The following NUP210 variants were observed in gnomAD, a reference collection of about 807,000 sequenced individuals.
NUP210 encodes the protein nuclear pore membrane glycoprotein 210.
NUP210 carries 151 observed loss-of-function variants against 196.0 expected under a neutral mutation model. The ratio of observed to expected loss-of-function variants is 0.77; its 90% CI spans 0.67 to 0.88. The LOEUF is 0.88. Ranked by LOEUF, NUP210 falls within the 40% of genes least tolerant of loss-of-function variation. The pLI is 0.00. For missense variants in NUP210, 2,314 were observed against 2,493.7 expected (o/e 0.93, Z 1.53); for synonymous variants, 1,070 against 1,052.7 (o/e 1.02, Z -0.32).
At position 13,371,884 on chromosome 3, in the gene NUP210, A is replaced by T; in HGVS notation, c.1736T>A (p.Phe579Tyr). The change falls in exon 13 of 40, where the codon TTT (phenylalanine) becomes TAT (tyrosine). Residue 579 changes from phenylalanine to tyrosine, a missense_variant. By Grantham distance (22) the Phe-to-Tyr change is conservative (BLOSUM62 3). Coordinates refer to ENST00000254508, the MANE Select transcript of NUP210 (RefSeq NM_024923.4). ...GTTCTCCACCTCGACAGCCAAGTCA[A>T]AGTGGGAGCAGTCGCTCAAGGTGAC... is the stretch of plus-strand genomic sequence containing the variant. ...EVVTLSDCSHFDLAVEVENQG... is the reference protein window; with the variant it reads ...EVVTLSDCSHYDLAVEVENQG... The T allele has an allele frequency of 1.2e-6, 2 of 1,610,878 alleles. No individual in the cohort carries two copies. The highest frequency in any genetic ancestry group is 8.5e-7 in the Non-Finnish European group (1 of 1,178,940).
In NUP210 at chr3:13,366,105, A is replaced by G. The variant is rs373829815; in HGVS notation, c.1787-14T>C. Reference sequence around the variant, plus strand: ...GCGGCAGCCTCCCTACAGAAAGGAGAGAACTAGATGGTCACCCTGAAATCA... The same window carrying G: ...GCGGCAGCCTCCCTACAGAAAGGAGGGAACTAGATGGTCACCCTGAAATCA... On this transcript the variant is annotated splice_polypyrimidine_tract_variant and intron_variant, in intron 13 of 39. Transcript: ENST00000254508. The G allele has an allele frequency of 1.6e-5, 26 of 1,607,288 alleles. No individual in the cohort carries two copies. In the African/African-American group the frequency reaches 2.7e-4, roughly 17 times the overall value.
chr3:13,364,762 T>C (rs575296511), intron 14 of NUP210, among the ~76,000 whole-genome samples: 12 of 151,962 alleles, frequency 7.9e-5, no homozygotes, highest in Non-Finnish European at 1.8e-4. Context: ...TGGAAGGCAA[T>C]GGTTGCGGTG....
At chr3:13,336,127 A>G (rs1043989477) in intron 27 of NUP210, among the ~76,000 whole-genome samples, 3 of 152,236 alleles carry the variant, frequency 2.0e-5, no homozygotes, top group Non-Finnish European at 4.4e-5. Flanking sequence ...AGCTTCAGGC[A>G]GCCTTTAGGA....
chr3:13,390,941 G>C (rs1699469055), intron 4 of NUP210, among the ~76,000 whole-genome samples: 1 of 152,216 alleles, frequency 6.6e-6, no homozygotes, highest in Non-Finnish European at 1.5e-5. Context: ...AGACAGCCAT[G>C]CATGTCTCAT....
Position 13,340,047 on chromosome 3 carries a change from A to G in NUP210, c.3292-14T>C. Reference sequence around the variant, plus strand: ...CTCGGAGGTGACCTGAGCGGGGAGGAAACAGCGGCGTGTCAGTGCCCGTCA... The same window carrying G: ...CTCGGAGGTGACCTGAGCGGGGAGGGAACAGCGGCGTGTCAGTGCCCGTCA... On this transcript the variant is annotated splice_polypyrimidine_tract_variant and intron_variant, in intron 24 of 39. Coordinates refer to ENST00000254508, the MANE Select transcript of NUP210 (RefSeq NM_024923.4). The surrounding 1 kb of genome is among the most constrained non-coding windows in gnomAD (Gnocchi z 4.0). 1.2e-6 allele frequency: 2 copies of G among 1,611,354 alleles called. No homozygotes were observed. Among genetic ancestry groups the G allele is most frequent in the Non-Finnish European group, 1.7e-6 (2 of 1,178,210 alleles).
chr3:13,340,195 T>C lies in NUP210; in HGVS notation c.3291+41A>G. The C allele has an allele frequency of 6.2e-7, 1 of 1,612,056 alleles. No homozygotes were observed. Among genetic ancestry groups the C allele is most frequent in the Non-Finnish European group, 8.5e-7 (1 of 1,178,866 alleles). Reference sequence around the variant, plus strand: ...GCGTGCCTGGAACCAGGTGGTGGCCTGCACTGGGGCTGGAGCAGGACGTGG... The same window carrying C: ...GCGTGCCTGGAACCAGGTGGTGGCCCGCACTGGGGCTGGAGCAGGACGTGG... On this transcript the variant is annotated intron_variant, in intron 24 of 39. Coordinates refer to ENST00000254508, the MANE Select transcript of NUP210 (RefSeq NM_024923.4). The surrounding 1 kb of genome is among the most constrained non-coding windows in gnomAD (Gnocchi z 4.0).
rs749052357 is a variant in NUP210 at position 13,330,503 on chromosome 3, T to C, written c.4067A>G (p.Gln1356Arg). 1 of 1,614,130 alleles carries C rather than the reference T, an allele frequency of 6.2e-7. No homozygotes were observed. The highest frequency in any genetic ancestry group is 8.5e-7 in the Non-Finnish European group (1 of 1,180,042). ...GGTTTGGTTGGCCCCAAAGGGCTCTTGTGCAATCACTTCGATGGTGGATGT... is the reference window on the plus strand; with the variant it reads ...GGTTTGGTTGGCCCCAAAGGGCTCTCGTGCAATCACTTCGATGGTGGATGT... ...IGTSTIEVIA[Q>R]EPFGANQTII... Residue 1356 changes from glutamine to arginine, a missense_variant, in exon 30 of 40, where the codon CAA becomes CGA. By Grantham distance (43) the Gln-to-Arg change is conservative. Coordinates refer to ENST00000254508, the MANE Select transcript of NUP210 (RefSeq NM_024923.4).
At chr3:13,363,962 C>T (rs577186899) in intron 14 of NUP210, among the ~76,000 whole-genome samples, 14 of 152,264 alleles carry the variant, frequency 9.2e-5, no homozygotes, top group African/African-American at 2.4e-4. Context: ...CCAGAAGGTG[C>T]GCAGGGCAAC....
chr3:13,357,582 C>T (rs560286399), intron 16 of NUP210, among the ~76,000 whole-genome samples: 1 of 152,150 alleles, frequency 6.6e-6, no homozygotes. Context: ...GGGGCTGATG[C>T]TGGCCAGAGG....
chr3:13,413,725 G>C (rs1700253208), intron 1 of NUP210, among the ~76,000 whole-genome samples: 1 of 152,190 alleles, frequency 6.6e-6, no homozygotes, highest in Non-Finnish European at 1.5e-5. Flanking sequence ...TGGGTACAGA[G>C]TGTCCATTTG....
intron 1 of NUP210, among the ~76,000 whole-genome samples, chr3:13,419,009 G>A (rs902513245): frequency 7.1e-6 from 1 of 141,126 alleles, no homozygotes; most frequent in African/African-American, 2.6e-5. Context: ...GCAAGCAACA[G>A]AGAAAGCTGG....
At chr3:13,352,266 G>A in intron 18 of NUP210, 82 bp from the exon 19 acceptor site, 1 of 1,048,992 alleles carries the variant, frequency 9.5e-7, no homozygotes, top group Non-Finnish European at 1.4e-6. Context: ...AAAAGCCCTA[G>A]GGCCTGGCCT....
intron 1 of NUP210, among the ~76,000 whole-genome samples, chr3:13,417,582 C>T (rs970361707): frequency 2.0e-5 from 3 of 152,214 alleles, no homozygotes; most frequent in Admixed American, 6.5e-5. Flanking sequence ...AGAGCAGATT[C>T]TTCAAAACTG....
At chr3:13,411,055 T>A (rs1353197991) in intron 1 of NUP210, among the ~76,000 whole-genome samples, 2 of 151,374 alleles carry the variant, frequency 1.3e-5, no homozygotes, top group South Asian at 2.1e-4. Flanking sequence ...CTCTAAAAAA[T>A]AATAATAATA....
chr3:13,397,884 T>C (rs947781130), intron 2 of NUP210, among the ~76,000 whole-genome samples: 18 of 152,212 alleles, frequency 1.2e-4, no homozygotes, highest in Non-Finnish European at 2.1e-4. Context: ...TGGTTTTTGG[T>C]TTTCACATAT....
chr3:13,339,622 G>T (rs1000377075), intron 25 of NUP210, among the ~76,000 whole-genome samples: 5 of 152,232 alleles, frequency 3.3e-5, no homozygotes, highest in African/African-American at 4.8e-5. Flanking sequence ...GTCCCATAAG[G>T]AGCAGCTGGA....
chr3:13,393,870 C>G (rs1699567486), intron 3 of NUP210, among the ~76,000 whole-genome samples: 1 of 152,238 alleles, frequency 6.6e-6, no homozygotes, highest in South Asian at 2.1e-4. Flanking sequence ...TCCAGAGGAT[C>G]TACCTCCCCT....
chr3:13,394,676 A>G (rs1180251454), intron 3 of NUP210, among the ~76,000 whole-genome samples: 4 of 152,218 alleles, frequency 2.6e-5, no homozygotes, highest in South Asian at 2.1e-4. Flanking sequence ...TATAAGCACA[A>G]TAAGACATTG....
intron 20 of NUP210, chr3:13,344,883 C>G: frequency 2.1e-6 from 2 of 974,062 alleles, no homozygotes; most frequent in Non-Finnish European, 2.4e-6. Flanking sequence ...AGTCATCCTC[C>G]AGGCCCAGGT....
Sources: gnomAD v4.1 joint callset for allele counts (sites outside exome capture counted in the v4.1 genomes callset) on GRCh38, gnomAD v4.1.1 for gene constraint, Gnocchi (gnomAD v3.1) non-coding constraint, MANE v1.5 for transcripts, NCBI Gene and HGNC (gene_info 2026-07-23, HGNC 2026-07-21) for gene names.